The following KLHL1 variants were observed in gnomAD, a reference collection of about 807,000 sequenced individuals.
KLHL1 encodes kelch like family member 1.
Under a neutral mutation model 77.7 loss-of-function variants are expected in KLHL1, and 47 were observed. That is an observed-to-expected ratio of 0.60 (90% CI 0.48 to 0.77). The LOEUF is 0.77. Among genes scored for constraint, KLHL1 ranks in the 30% least tolerant of loss-of-function variants. The probability of loss-of-function intolerance (pLI) is 0.00; values close to 1 mark genes in which losing one functional copy is unlikely to be tolerated. For synonymous variants in KLHL1, 360 were observed against 325.2 expected (o/e 1.11, Z -1.15); for missense variants, 925 against 910.8 (o/e 1.02, Z -0.20).
chr13:70,034,412 C>G (rs1033689731), intron 1 of KLHL1, among the ~76,000 whole-genome samples: 2 of 152,156 alleles, frequency 1.3e-5, no homozygotes, highest in Non-Finnish European at 2.9e-5. Context: ...AACCTGGGAT[C>G]TCCATCTGTC....
chr13:69,849,068 T>G (rs1879582917), intron 5 of KLHL1, among the ~76,000 whole-genome samples: 1 of 151,536 alleles, frequency 6.6e-6, no homozygotes, highest in South Asian at 2.1e-4. Context: ...TGCATCCGAT[T>G]TGGGCTCAGC....
chr13:69,907,797 G>A (rs1285896497), intron 4 of KLHL1, among the ~76,000 whole-genome samples: 1 of 151,982 alleles, frequency 6.6e-6, no homozygotes, highest in Non-Finnish European at 1.5e-5. Flanking sequence ...CAATGATTAA[G>A]TTTATATAAA....
intron 1 of KLHL1, among the ~76,000 whole-genome samples, chr13:70,040,347 C>T (rs916544145): frequency 6.6e-6 from 1 of 152,120 alleles, no homozygotes; most frequent in Non-Finnish European, 1.5e-5. Flanking sequence ...AACTACCTAT[C>T]GGGCACTATG....
intron 1 of KLHL1, among the ~76,000 whole-genome samples, chr13:69,981,783 T>G (rs1380807048): frequency 6.6e-6 from 1 of 150,812 alleles, no homozygotes; most frequent in Non-Finnish European, 1.5e-5. Flanking sequence ...GTTCAAAAAG[T>G]GCCCAAAATA....
At chr13:69,702,072 T>G (rs1386682566) in intron 10 of KLHL1, among the ~76,000 whole-genome samples, 1 of 151,728 alleles carries the variant, frequency 6.6e-6, no homozygotes, top group Non-Finnish European at 1.5e-5. Context: ...GGAGTTTGCA[T>G]GGACACATTT....
At chr13:70,039,777 C>T (rs1330628020) in intron 1 of KLHL1, among the ~76,000 whole-genome samples, 4 of 151,492 alleles carry the variant, frequency 2.6e-5, no homozygotes, top group South Asian at 4.1e-4. Context: ...GTAGCTGGAA[C>T]TATAGGTATG....
Position 69,882,489 on chromosome 13 carries a change from T to C in KLHL1, c.1021A>G (p.Ile341Val), listed in dbSNP as rs932837424. ...TCTTGATTTCTGATAACTTCCATTATGTTTTCCTGCAGGGAGAAAATATCT... is the reference window on the plus strand; with the variant it reads ...TCTTGATTTCTGATAACTTCCATTACGTTTTCCTGCAGGGAGAAAATATCT... ...KVAHSYTMEN[I>V]MEVIRNQEFL... The change falls in exon 5 of 11, where the codon ATA becomes GTA. Residue 341 changes from isoleucine to valine, a missense_variant. By Grantham distance (29) the Ile-to-Val change is conservative (BLOSUM62 3). Coordinates refer to ENST00000377844, the MANE Select transcript of KLHL1 (RefSeq NM_020866.3). The C allele has an allele frequency of 1.2e-6, 2 of 1,610,148 alleles. No individual in the cohort carries two copies. Among genetic ancestry groups the C allele is most frequent in the African/African-American group, 1.3e-5 (1 of 74,844 alleles).
chr13:69,719,381 T>A lies in KLHL1; in HGVS notation c.2003A>T (p.Asp668Val). The A allele has an allele frequency of 6.2e-7, 1 of 1,613,366 alleles. No homozygotes were observed. The highest frequency in any genetic ancestry group is 1.3e-5 in the African/African-American group (1 of 74,960). ...CTTGGGGTCTTACCTTTCTACATAA[T>A]CCAGTAGCCGGGAACAGTGATTTGA... is the stretch of plus-strand genomic sequence containing the variant. ...PASNHCSRLL[D>V]YVERYDPKTD... The change falls in exon 9 of 11, where the codon GAT becomes GTT. Residue 668 changes from aspartate (D) to valine (V), a missense_variant. Coordinates refer to ENST00000377844, the MANE Select transcript of KLHL1 (RefSeq NM_020866.3).
chr13:70,017,891 A>G (rs1885697910), intron 1 of KLHL1, among the ~76,000 whole-genome samples: 1 of 152,178 alleles, frequency 6.6e-6, no homozygotes, highest in Non-Finnish European at 1.5e-5. Context: ...GCACTATCAA[A>G]CAAGTCTTAT....
At chr13:69,819,990 G>C (rs1188163704) in intron 6 of KLHL1, among the ~76,000 whole-genome samples, 2 of 152,132 alleles carry the variant, frequency 1.3e-5, no homozygotes, top group African/African-American at 4.8e-5. Context: ...AGTTCACTTG[G>C]CATTGTTTTC....
chr13:69,871,438 C>T (rs529410446), intron 5 of KLHL1, among the ~76,000 whole-genome samples: 3 of 152,240 alleles, frequency 2.0e-5, no homozygotes, highest in Admixed American at 6.5e-5. Context: ...CTCTAGTAAG[C>T]GATTGCTCCA....
chr13:69,971,811 T>G (rs1195355389), intron 2 of KLHL1, among the ~76,000 whole-genome samples: 2 of 152,076 alleles, frequency 1.3e-5, no homozygotes, highest in Non-Finnish European at 2.9e-5. Flanking sequence ...ACATTATGTT[T>G]TATAATCATT....
rs536156352 is a variant in KLHL1, at chr13:70,073,634, G to A, written c.497+33569C>T. Among the ~76,000 whole-genome samples, 10 of 152,048 alleles carry A rather than the reference G, an allele frequency of 6.6e-5. No homozygotes were observed. In the East Asian group the frequency reaches 1.2e-3, roughly 18 times the overall value. On this transcript the variant is annotated intron_variant, in intron 1 of 10. Transcript: ENST00000377844. ...CTACAAAAAATTCTTCTAAAAACCC[G>A]GGTGTGGTGGTGTGCACCTGTGTTC...
chr13:69,939,352 T>TATATATATATATACACAC (rs1555283227), intron 4 of KLHL1, among the ~76,000 whole-genome samples: 3 of 62,520 alleles, frequency 4.8e-5, no homozygotes, highest in Admixed American at 1.5e-4. Context: ...TATATATATA[T>TATATATATATATACACAC]ATATATATAT....
chr13:69,753,478 C>A (rs1874574898), intron 7 of KLHL1, among the ~76,000 whole-genome samples: 1 of 151,996 alleles, frequency 6.6e-6, no homozygotes, highest in Non-Finnish European at 1.5e-5. Context: ...AAAAACAGAA[C>A]TTTTCTGTTT....
chr13:69,980,936 G>A (rs1339848578), intron 1 of KLHL1, among the ~76,000 whole-genome samples: 1 of 152,086 alleles, frequency 6.6e-6, no homozygotes, highest in Non-Finnish European at 1.5e-5. Flanking sequence ...AGTTTGTTAT[G>A]TGTTTTTGTT....
At chr13:69,793,203 T>C (rs1876946397) in intron 7 of KLHL1, among the ~76,000 whole-genome samples, 1 of 152,082 alleles carries the variant, frequency 6.6e-6, no homozygotes, top group Non-Finnish European at 1.5e-5. Flanking sequence ...TAATGTCTTA[T>C]TCAATTTTAT....
chr13:69,925,998 CTAAT>C (rs1882802107), intron 4 of KLHL1, among the ~76,000 whole-genome samples: 1 of 152,208 alleles, frequency 6.6e-6, no homozygotes, highest in East Asian at 1.9e-4. Flanking sequence ...TATGCATTCA[CTAAT>C]TAATGTTGGA....
intron 4 of KLHL1, among the ~76,000 whole-genome samples, chr13:69,886,454 TAATTA>T (rs1881224361): frequency 1.3e-5 from 2 of 151,782 alleles, no homozygotes; most frequent in African/African-American, 2.4e-5. Context: ...TTCTGTGCAT[TAATTA>T]AATTATGGTC....
Sources: gnomAD v4.1 joint callset for allele counts (sites outside exome capture counted in the v4.1 genomes callset) on GRCh38, gnomAD v4.1.1 for gene constraint, MANE v1.5 for transcripts, NCBI Gene and HGNC (gene_info 2026-07-23, HGNC 2026-07-21) for gene names.